TMEM26: variants seen among roughly 807,000 people sequenced by gnomAD.
The protein encoded by TMEM26 is transmembrane protein 26.
TMEM26 carries 38 observed loss-of-function variants against 28.8 expected under a neutral mutation model. The ratio of observed to expected loss-of-function variants is 1.32; its 90% CI spans 1.02 to 1.73. The LOEUF (loss-of-function observed/expected upper bound fraction) is 1.73, where lower values mean the gene tolerates loss of function less well. Among genes scored for constraint, TMEM26 ranks in the 40% most tolerant of loss-of-function variants. The probability of loss-of-function intolerance (pLI) is 0.00; values close to 1 mark genes in which losing one functional copy is unlikely to be tolerated. For synonymous variants in TMEM26, 227 were observed against 182.9 expected, an observed-to-expected ratio of 1.24 and a Z score of -1.95; for missense variants, 518 against 447.1, an observed-to-expected ratio of 1.16 and a Z score of -1.43.
At chr10:61,442,313 TA>T (rs1283853397) in intron 1 of TMEM26, among the ~76,000 whole-genome samples, 1 of 152,262 alleles carries the variant, frequency 6.6e-6, no homozygotes, top group Admixed American at 6.5e-5. Context: ...TTTCTCTTTC[TA>T]AAAATGACAA....
At chr10:61,414,694 T>A (rs1353844180) in intron 4 of TMEM26, 1 of 152,084 alleles carries the variant, frequency 6.6e-6, no homozygotes, top group Non-Finnish European at 1.5e-5. Flanking sequence ...ATATAAATGA[T>A]CCTTTAAAAG....
chr10:61,411,315 A>T (rs1368841965), intron 5 of TMEM26, among the ~76,000 whole-genome samples: 1 of 152,192 alleles, frequency 6.6e-6, no homozygotes, highest in African/African-American at 2.4e-5. Context: ...TTTTGTTTCC[A>T]TTAGAATAAC....
At chr10:61,445,794 A>G (rs1840170894) in intron 1 of TMEM26, among the ~76,000 whole-genome samples, 2 of 152,176 alleles carry the variant, frequency 1.3e-5, no homozygotes, top group Non-Finnish European at 2.9e-5. Flanking sequence ...GGGAATATAC[A>G]CATGGGGAGA....
intron 1 of TMEM26, among the ~76,000 whole-genome samples, chr10:61,449,195 A>G (rs1457678345): frequency 6.6e-6 from 1 of 152,186 alleles, no homozygotes; most frequent in Non-Finnish European, 1.5e-5. Flanking sequence ...TTTTTAGCTT[A>G]ACGGGGGACA....
At chr10:61,448,737 G>A (rs1041435088) in intron 1 of TMEM26, among the ~76,000 whole-genome samples, 5 of 151,484 alleles carry the variant, frequency 3.3e-5, no homozygotes, top group Admixed American at 2.0e-4. Flanking sequence ...AAGGAAATGA[G>A]AGATAACAAA....
chr10:61,410,812 G>T, intron 5 of TMEM26, 66 bp from the exon 6 acceptor site: 1 of 1,495,386 alleles, frequency 6.7e-7, no homozygotes, highest in South Asian at 1.2e-5. Context: ...ACAATGCCAT[G>T]GGGACGAGTC....
intron 1 of TMEM26, among the ~76,000 whole-genome samples, chr10:61,437,646 A>G (rs141316046): frequency 1.4e-3 from 219 of 152,202 alleles, no homozygotes; most frequent in African/African-American, 5.0e-3. Context: ...TTAACCAGGC[A>G]GAGTGGTCTG....
At chr10:61,433,086 G>A (rs1839948480) in intron 2 of TMEM26, among the ~76,000 whole-genome samples, 2 of 152,068 alleles carry the variant, frequency 1.3e-5, no homozygotes, top group African/African-American at 4.8e-5. Context: ...ATATGTTTTT[G>A]ACATTCTTAC....
At chr10:61,413,990 T>C (rs1839610916) in intron 4 of TMEM26, 2 of 987,218 alleles carry the variant, frequency 2.0e-6, no homozygotes, top group East Asian at 1.1e-4. Context: ...AAACTCAACA[T>C]TGAAATAAAA....
intron 1 of TMEM26, among the ~76,000 whole-genome samples, chr10:61,451,050 C>G (rs759108770): frequency 6.6e-6 from 1 of 152,186 alleles, no homozygotes; most frequent in East Asian, 1.9e-4. Flanking sequence ...CAAGGTCTGA[C>G]AGCAAGTAGG....
chr10:61,416,529 G>A (rs1038673414), intron 4 of TMEM26, among the ~76,000 whole-genome samples: 1 of 151,862 alleles, frequency 6.6e-6, no homozygotes, highest in Non-Finnish European at 1.5e-5. Flanking sequence ...AACACATAAA[G>A]CTCTTAGAAC....
chr10:61,452,727 C>T lies in TMEM26; in HGVS notation c.191+164G>A, dbSNP rs553885634. On this transcript the variant is annotated intron_variant, in intron 1 of 5. Coordinates refer to ENST00000399298, the MANE Select transcript of TMEM26 (RefSeq NM_178505.8). ...GGGACCCTAGGGTGGCCCTGGGGTG[C>T]CCAAGAGATGCGCAAGCATCTCGCG... The T allele has an allele frequency of 4.8e-5, 41 of 856,286 alleles. No individual in the cohort carries two copies. In the African/African-American group the frequency reaches 5.9e-4, roughly 12 times the overall value. The allele number at this position is 856,286 out of a possible 1,614,324, so 53.0% of individuals were successfully genotyped here.
chr10:61,434,992 T>C lies in TMEM26; in HGVS notation c.270+1178A>G, dbSNP rs552447404. Among the ~76,000 whole-genome samples the C allele has an allele frequency of 4.6e-5, 7 of 152,332 alleles. No homozygotes were observed. In the South Asian group the frequency reaches 1.2e-3, roughly 27 times the overall value. On this transcript the variant is annotated intron_variant, in intron 2 of 5. Transcript: ENST00000399298. ...GTCATAACTACATTTCTCTGTAACA[T>C]AGTCCTGTAACCTGAACTATGAAGT...
rs73265824 is a variant in TMEM26 at position 61,422,775 on chromosome 10, A to G, written c.605+6151T>C. 8.1e-3 allele frequency among the ~76,000 whole-genome samples: 1,234 copies of G among 152,250 alleles called. 23 individuals carry two copies. Among genetic ancestry groups the G allele is most frequent in the African/African-American group, 0.028 (1,174 of 41,560 alleles). ...ATCTGAAGAAATTAGAAAAAAAAGA[A>G]GAGAAAATTAAATCCAAAGCAAGCA... On this transcript the variant is annotated intron_variant, in intron 4 of 5. Coordinates refer to ENST00000399298, the MANE Select transcript of TMEM26 (RefSeq NM_178505.8).
At position 61,431,205 on chromosome 10, in the gene TMEM26, G is replaced by A; in HGVS notation, c.384+14C>T. ...TTTTCTAGATCCTTTAATAAACAGTGGAAAAGCTCTCACCGTCTCAATGAG... is the reference window on the plus strand; with the variant it reads ...TTTTCTAGATCCTTTAATAAACAGTAGAAAAGCTCTCACCGTCTCAATGAG... On this transcript the variant is annotated intron_variant, in intron 3 of 5. Transcript: ENST00000399298. The A allele has an allele frequency of 6.2e-7, 1 of 1,601,324 alleles. No homozygotes were observed. Among genetic ancestry groups the A allele is most frequent in the Non-Finnish European group, 8.6e-7 (1 of 1,168,986 alleles).
At chr10:61,417,835 G>A (rs1839679082) in intron 4 of TMEM26, among the ~76,000 whole-genome samples, 1 of 152,042 alleles carries the variant, frequency 6.6e-6, no homozygotes, top group African/African-American at 2.4e-5. Flanking sequence ...ATGTTGGAAG[G>A]TGGCTGTAGT....
chr10:61,427,896 T>A (rs1308153225), intron 4 of TMEM26, among the ~76,000 whole-genome samples: 1 of 152,142 alleles, frequency 6.6e-6, no homozygotes, highest in African/African-American at 2.4e-5. Context: ...CTTAAGACAT[T>A]AAAACTACGG....
At position 61,428,996 on chromosome 10, in the gene TMEM26, G is replaced by C. The variant is rs575613661; in HGVS notation, c.535C>G (p.Leu179Val). ...TCAGCCGCTGTCCCCACAAACATAA[G>C]AAGAAGTTGAGAGAGTTGATCTCGA... ...ITRDQLSQLL[L>V]MFVGTAADIL... Residue 179 changes from leucine to valine, a missense_variant, in exon 4 of 6, where the codon CTT becomes GTT. By Grantham distance (32) the Leu-to-Val change is conservative. Coordinates refer to ENST00000399298, the MANE Select transcript of TMEM26 (RefSeq NM_178505.8). 37 of 1,613,262 alleles carry C rather than the reference G, an allele frequency of 2.3e-5. No individual in the cohort carries two copies. In the South Asian group the frequency reaches 4.0e-4, roughly 17 times the overall value.
chr10:61,448,956 G>A (rs1416089130), intron 1 of TMEM26, among the ~76,000 whole-genome samples: 1 of 152,084 alleles, frequency 6.6e-6, no homozygotes, highest in African/African-American at 2.4e-5. Context: ...TTCTATCCCT[G>A]AGGAATATTT....
Sources: gnomAD v4.1 joint callset for allele counts (sites outside exome capture counted in the v4.1 genomes callset) on GRCh38, gnomAD v4.1.1 for gene constraint, MANE v1.5 for transcripts, NCBI Gene and HGNC (gene_info 2026-07-23, HGNC 2026-07-21) for gene names.